The following TMEM39A variants were observed in gnomAD, a reference collection of about 807,000 sequenced individuals.
TMEM39A encodes suppressor of SQST-1 aggregates in rpl-43 mutants.
Under a neutral mutation model 51.9 loss-of-function variants are expected in TMEM39A, and 19 were observed. That is an observed-to-expected ratio of 0.37 (90% CI 0.26 to 0.54). The LOEUF is 0.54. TMEM39A is among the 20% of genes least tolerant of loss of function. TMEM39A has a pLI of 0.88. For synonymous variants in TMEM39A, 197 were observed against 220.2 expected, an observed-to-expected ratio of 0.89 and a Z score of 0.93; for missense variants, 433 against 590.5, an observed-to-expected ratio of 0.73 and a Z score of 2.76.
chr3:119,461,671 G>A (rs1341956500), intron 2 of TMEM39A, among the ~76,000 whole-genome samples: 1 of 152,152 alleles, frequency 6.6e-6, no homozygotes, highest in African/African-American at 2.4e-5. Context: ...CACTTACCTT[G>A]TATTTTCATT....
chr3:119,452,117 G>T (rs2081208550), intron 4 of TMEM39A, among the ~76,000 whole-genome samples: 3 of 152,132 alleles, frequency 2.0e-5, no homozygotes, highest in Admixed American at 6.5e-5. Flanking sequence ...AGGTGCAATT[G>T]TATGTGTACA....
chr3:119,451,558 T>C (rs1041028069), intron 4 of TMEM39A, among the ~76,000 whole-genome samples: 11 of 152,150 alleles, frequency 7.2e-5, no homozygotes, highest in African/African-American at 2.2e-4. Flanking sequence ...AGGCCAGGCA[T>C]GGTGGCTCAC....
rs1577069235 is a variant in TMEM39A at position 119,462,145 on chromosome 3, A to T, written c.-71T>A. Reference sequence around the variant, plus strand: ...AGGTTAATGGTTGTCAACCAGTTTCAACTCTGAACGACAACAAAAACATTT... The same window carrying T: ...AGGTTAATGGTTGTCAACCAGTTTCTACTCTGAACGACAACAAAAACATTT... On this transcript the variant is annotated 5_prime_UTR_variant, in exon 2 of 9. It introduces an in-frame stop codon into an upstream open reading frame of the 5' UTR. Coordinates refer to ENST00000319172, the MANE Select transcript of TMEM39A (RefSeq NM_018266.3). 5 of 1,172,542 alleles carry T rather than the reference A, an allele frequency of 4.3e-6. No homozygotes were observed. The South Asian group carries it at 5.2e-5, about 12-fold the overall frequency. The allele number at this position is 1,172,542 out of a possible 1,614,324, so 72.6% of individuals were successfully genotyped here.
chr3:119,443,419 A>G lies in TMEM39A; in HGVS notation c.575+3599T>C, dbSNP rs142729434. Among the ~76,000 whole-genome samples, 585 of 152,306 alleles carry G rather than the reference A, an allele frequency of 3.8e-3. 24 individuals carry two copies. The highest frequency in any genetic ancestry group is 0.035 in the Admixed American group (529 of 15,298). On this transcript the variant is annotated intron_variant, in intron 5 of 8. Coordinates refer to ENST00000319172, the MANE Select transcript of TMEM39A (RefSeq NM_018266.3). ...AACTTCACTGTTGTCTTATTTTAAG[A>G]AAGTGACAAAGCCATCCCAACCTTC...
chr3:119,441,852 G>C (rs1237742294), intron 5 of TMEM39A, among the ~76,000 whole-genome samples: 2 of 152,182 alleles, frequency 1.3e-5, no homozygotes, highest in Non-Finnish European at 2.9e-5. Context: ...TAACGCAGCT[G>C]GTAACTTTAA....
chr3:119,442,139 G>A (rs867432728), intron 5 of TMEM39A, among the ~76,000 whole-genome samples: 11 of 152,104 alleles, frequency 7.2e-5, no homozygotes, highest in East Asian at 1.9e-4. Flanking sequence ...TCAGGAGTTC[G>A]ACACCAGCAT....
chr3:119,457,020 G>C (rs1215414490), intron 3 of TMEM39A, among the ~76,000 whole-genome samples: 4 of 151,224 alleles, frequency 2.6e-5, no homozygotes, highest in Admixed American at 1.3e-4. Context: ...GCCCAGGCTG[G>C]AGTGCAGCGG....
intron 2 of TMEM39A, among the ~76,000 whole-genome samples, chr3:119,460,891 AC>A (rs1379452018): frequency 6.6e-6 from 1 of 152,200 alleles, no homozygotes; most frequent in African/African-American, 2.4e-5. Context: ...TTATCTCAAT[AC>A]CTATATTAGA....
At chr3:119,447,768 C>T (rs1196984800) in intron 4 of TMEM39A, among the ~76,000 whole-genome samples, 1 of 151,970 alleles carries the variant, frequency 6.6e-6, no homozygotes, top group Non-Finnish European at 1.5e-5. Flanking sequence ...GGGATACAGG[C>T]GTACACCACC....
rs911518091 is a variant in TMEM39A at position 119,457,946 on chromosome 3, T to G, written c.336+72A>C. 6.9e-6 allele frequency: 8 copies of G among 1,156,822 alleles called. No homozygotes were observed. The African/African-American group carries it at 1.2e-4, about 18-fold the overall frequency. The allele number at this position is 1,156,822 out of a possible 1,614,324, so 71.7% of individuals were successfully genotyped here. On this transcript the variant is annotated intron_variant, in intron 3 of 8. Coordinates refer to ENST00000319172, the MANE Select transcript of TMEM39A (RefSeq NM_018266.3). Reference sequence around the variant, plus strand: ...AGAAAAATTATTAAGAAAAACAATTTCTACAGAAAGGCTTTCCAGGTAGTT... The same window carrying G: ...AGAAAAATTATTAAGAAAAACAATTGCTACAGAAAGGCTTTCCAGGTAGTT...
At chr3:119,435,937 T>C in intron 7 of TMEM39A, 1 of 1,289,598 alleles carries the variant, frequency 7.8e-7, no homozygotes, top group South Asian at 1.2e-5. Flanking sequence ...TGTGCTAATC[T>C]GTATCAGACA....
intron 3 of TMEM39A, among the ~76,000 whole-genome samples, chr3:119,452,967 T>C (rs1391437426): frequency 6.6e-6 from 1 of 152,214 alleles, no homozygotes; most frequent in Non-Finnish European, 1.5e-5. Flanking sequence ...GGGCATCTAC[T>C]AAATTCTCTA....
At position 119,429,717 on chromosome 3, in the gene TMEM39A, C is replaced by T. The variant is rs959152326; in HGVS notation, c.*2264G>A. The T allele has an allele frequency of 6.6e-6, 1 of 152,056 alleles. No homozygotes were observed. The highest frequency in any genetic ancestry group is 2.4e-5 in the African/African-American group (1 of 41,494). 9.4% of individuals were successfully genotyped at this position (152,056 alleles called of 1,614,324 possible). A position where few individuals can be genotyped will look rare whatever the true frequency, so the allele number is the denominator to read the frequency against. ...CACGTTGAACTAAACGGTCTTATGC[C>T]CCGTATGCTGCCATATCTGGAGGTG... On this transcript the variant is annotated 3_prime_UTR_variant, in exon 9 of 9. Transcript: ENST00000319172.
intron 4 of TMEM39A, among the ~76,000 whole-genome samples, chr3:119,448,678 T>C (rs1349834744): frequency 6.6e-6 from 1 of 152,228 alleles, no homozygotes; most frequent in Non-Finnish European, 1.5e-5. Context: ...CCCTGATACA[T>C]ACCTTCATGC....
chr3:119,446,934 T>C (rs545128553), intron 5 of TMEM39A, 84 bp downstream of exon 5: 22 of 1,407,148 alleles, frequency 1.6e-5, no homozygotes, highest in East Asian at 9.7e-5. Context: ...AAGAATTTCA[T>C]TTTTCACTCT....
chr3:119,462,137 C>A lies in TMEM39A; in HGVS notation c.-63G>T. On this transcript the variant is annotated 5_prime_UTR_variant, in exon 2 of 9. Coordinates refer to ENST00000319172, the MANE Select transcript of TMEM39A (RefSeq NM_018266.3). ...TGCAACCCAGGTTAATGGTTGTCAA[C>A]CAGTTTCAACTCTGAACGACAACAA... 1 of 1,271,256 alleles carries A rather than the reference C, an allele frequency of 7.9e-7. No individual in the cohort carries two copies. The highest frequency in any genetic ancestry group is 1.2e-5 in the South Asian group (1 of 80,438). The allele number at this position is 1,271,256 out of a possible 1,614,324, so 78.7% of individuals were successfully genotyped here. A position where few individuals can be genotyped will look rare whatever the true frequency, so the allele number is the denominator to read the frequency against.
intron 7 of TMEM39A, chr3:119,435,407 C>T (rs2080954832): frequency 1.2e-5 from 12 of 984,896 alleles, no homozygotes; most frequent in Non-Finnish European, 1.4e-5. Context: ...AGAAGATATA[C>T]AGTAGAACAC....
At chr3:119,460,683 G>T (rs1231355400) in intron 2 of TMEM39A, among the ~76,000 whole-genome samples, 1 of 152,094 alleles carries the variant, frequency 6.6e-6, no homozygotes, top group Non-Finnish European at 1.5e-5. Context: ...ATTATCTAGA[G>T]GAATCCTCAA....
At chr3:119,440,103 G>C (rs1201769574) in intron 5 of TMEM39A, among the ~76,000 whole-genome samples, 1 of 152,122 alleles carries the variant, frequency 6.6e-6, no homozygotes, top group Non-Finnish European at 1.5e-5. Context: ...TCTCACATGT[G>C]CATATCTGTG....
Sources: allele counts gnomAD v4.1 joint callset (sites outside exome capture counted in the v4.1 genomes callset), GRCh38; gene constraint gnomAD v4.1.1; transcripts MANE v1.5; gene names NCBI Gene and HGNC (gene_info 2026-07-23, HGNC 2026-07-21).